The following SV2B variants were observed in gnomAD, a reference collection of about 807,000 sequenced individuals.
SV2B encodes synaptic vesicle glycoprotein 2B, also known as solute carrier family 22 member B2.
SV2B carries 41 observed loss-of-function variants against 73.9 expected under a neutral mutation model. That is an observed-to-expected ratio of 0.56 (90% confidence interval 0.43 to 0.72). SV2B has a LOEUF of 0.72. Among genes scored for constraint, SV2B ranks in the 30% least tolerant of loss-of-function variants. The pLI, the probability that SV2B is intolerant of heterozygous loss-of-function variation, is 0.00. For missense variants in SV2B, 764 were observed against 857.8 expected, an observed-to-expected ratio of 0.89 and a Z score of 1.37; for synonymous variants, 314 against 314.2, an observed-to-expected ratio of 1.00 and a Z score of 0.01.
Position 91,281,026 on chromosome 15 carries a change from A to G in SV2B, c.1374-702A>G, listed in dbSNP as rs1165345187. ...ATCTACCTCATTTACTACGATGGCT[A>G]CATGGTATTCCATTATATGGCATCT... On this transcript the variant is annotated intron_variant, in intron 9 of 12. Coordinates refer to ENST00000394232, the MANE Select transcript of SV2B (RefSeq NM_001323032.3). The surrounding 1 kb of genome is among the most constrained non-coding windows in gnomAD (Gnocchi z 4.7). 1.3e-5 allele frequency among the ~76,000 whole-genome samples: 2 copies of G among 152,256 alleles called. No homozygotes were observed. The highest frequency in any genetic ancestry group is 2.4e-5 in the African/African-American group (1 of 41,466).
At chr15:91,219,151 G>A (rs546502246) in intron 1 of SV2B, among the ~76,000 whole-genome samples, 11 of 152,170 alleles carry the variant, frequency 7.2e-5, no homozygotes, top group African/African-American at 2.6e-4. Flanking sequence ...CTTTCTCCAT[G>A]TTGCCCAGGC....
chr15:91,275,474 T>G (rs143733539), intron 9 of SV2B, among the ~76,000 whole-genome samples: 9 of 152,318 alleles, frequency 5.9e-5, no homozygotes, highest in Admixed American at 5.9e-4. Flanking sequence ...AAACACGTGA[T>G]ATATTGCTAC....
chr15:91,221,693 G>GCGCGCGCACACACACACACACACA (rs370290337), intron 1 of SV2B, among the ~76,000 whole-genome samples: 10 of 140,158 alleles, frequency 7.1e-5, no homozygotes, highest in African/African-American at 2.8e-4. Context: ...AAGCATGTGC[G>GCGCGCGCACACACACACACACACA]CACACACACA....
At chr15:91,269,990 C>T (rs2048239942) in intron 9 of SV2B, among the ~76,000 whole-genome samples, 1 of 152,138 alleles carries the variant, frequency 6.6e-6, no homozygotes, top group African/African-American at 2.4e-5. Flanking sequence ...GGCAGTTCCC[C>T]CAAGATGTTT....
In SV2B at chr15:91,132,961, G is replaced by A. The variant is rs538843264; in HGVS notation, c.-392+32598G>A. 6.6e-6 allele frequency among the ~76,000 whole-genome samples: 1 copy of A among 152,356 alleles called. No individual in the cohort carries two copies. Among genetic ancestry groups the A allele is most frequent in the East Asian group, 1.9e-4 (1 of 5,196 alleles). ...GCATAATAAGGGCTAAAAGACTAAA[G>A]ACTATTGGGCATCTGTTGCGTGCCA... On this transcript the variant is annotated intron_variant, in intron 1 of 12. Coordinates refer to ENST00000394232, the MANE Select transcript of SV2B (RefSeq NM_001323032.3). The surrounding 1 kb of genome is among the most constrained non-coding windows in gnomAD (Gnocchi z 4.6).
Position 91,260,351 on chromosome 15 carries a change from T to C in SV2B, c.950T>C (p.Leu317Pro). Reference protein sequence around the residue: ...MGKHDEAWMILKQVHDTNMRA... With the variant: ...MGKHDEAWMIPKQVHDTNMRA... ...AAACATGATGAAGCCTGGATGATTC[T>C]CAAGCAAGTCCATGACACCAACATG... Residue 317 changes from leucine to proline, a missense_variant, in exon 6 of 13, where the codon CTC becomes CCC. By Grantham distance (98) the Leu-to-Pro change is moderately conservative. Coordinates refer to ENST00000394232, the MANE Select transcript of SV2B (RefSeq NM_001323032.3). 1 of 1,613,574 alleles carries C rather than the reference T, an allele frequency of 6.2e-7. No homozygotes were observed. The highest frequency in any genetic ancestry group is 8.5e-7 in the Non-Finnish European group (1 of 1,179,818).
chr15:91,144,407 C>T (rs1373585529), intron 1 of SV2B, among the ~76,000 whole-genome samples: 1 of 148,558 alleles, frequency 6.7e-6, no homozygotes, highest in South Asian at 2.1e-4. Flanking sequence ...TGGGTTGAAA[C>T]ATTCATGATT....
At chr15:91,277,053 A>G (rs1351332836) in intron 9 of SV2B, among the ~76,000 whole-genome samples, 1 of 152,048 alleles carries the variant, frequency 6.6e-6, no homozygotes, top group African/African-American at 2.4e-5. Context: ...AATTCCCGAC[A>G]TCAGGTGATC....
chr15:91,185,136 A>T (rs544573266), intron 1 of SV2B, among the ~76,000 whole-genome samples: 63 of 152,308 alleles, frequency 4.1e-4, no homozygotes, highest in Admixed American at 7.2e-4. Context: ...CAGTGGTGCA[A>T]TCATGGCTCA....
chr15:91,122,546 C>T lies in SV2B; in HGVS notation c.-392+22183C>T, dbSNP rs1376334488. ...CATGCTGCAGAGCAGACTCCCCCAT[C>T]CTGGTTTCCTCTCCATCCTTTTTGC... is the stretch of plus-strand genomic sequence containing the variant. On this transcript the variant is annotated intron_variant, in intron 1 of 12. Transcript: ENST00000394232. The surrounding 1 kb of genome is among the most constrained non-coding windows in gnomAD (Gnocchi z 4.3). Among the ~76,000 whole-genome samples, 1 of 152,218 alleles carries T rather than the reference C, an allele frequency of 6.6e-6. No individual in the cohort carries two copies. The highest frequency in any genetic ancestry group is 1.9e-4 in the East Asian group (1 of 5,196).
chr15:91,126,825 TAAACTA>T (rs1358394541), intron 1 of SV2B, among the ~76,000 whole-genome samples: 5 of 152,302 alleles, frequency 3.3e-5, no homozygotes, highest in African/African-American at 1.2e-4. Context: ...TAAAAATACT[TAAACTA>T]GAAATAGAAG....
intron 1 of SV2B, among the ~76,000 whole-genome samples, chr15:91,163,009 C>T (rs148369844): frequency 0.01 from 1,524 of 151,778 alleles, 24 homozygotes; most frequent in African/African-American, 0.033. Context: ...TGAGAACATG[C>T]GGTGTTTGGT....
rs1432504224 is a variant in SV2B, at chr15:91,141,315, T to C, written c.-392+40952T>C. Among the ~76,000 whole-genome samples, 1 of 152,212 alleles carries C rather than the reference T, an allele frequency of 6.6e-6. No homozygotes were observed. Among genetic ancestry groups the C allele is most frequent in the Non-Finnish European group, 1.5e-5 (1 of 68,028 alleles). Reference sequence around the variant, plus strand: ...AGGGCGTGGAGTGTTTCCAGATTTTTGCTGGCATCATCTAGGGTGTCTTGC... The same window carrying C: ...AGGGCGTGGAGTGTTTCCAGATTTTCGCTGGCATCATCTAGGGTGTCTTGC... On this transcript the variant is annotated intron_variant, in intron 1 of 12. Transcript: ENST00000394232. This position sits in a 1 kb window ranked among gnomAD's most constrained non-coding sequence, Gnocchi z 4.6.
chr15:91,244,258 A>G (rs1254327059), intron 2 of SV2B, among the ~76,000 whole-genome samples: 1 of 152,220 alleles, frequency 6.6e-6, no homozygotes, highest in Non-Finnish European at 1.5e-5. Flanking sequence ...TGTCTTACAT[A>G]TGGCAGGAGA....
chr15:91,165,511 T>C (rs1342044941), intron 1 of SV2B, among the ~76,000 whole-genome samples: 1 of 152,212 alleles, frequency 6.6e-6, no homozygotes, highest in Non-Finnish European at 1.5e-5. Context: ...GCATAGGTTA[T>C]ATACAAATAT....
At chr15:91,259,055 C>T (rs1171688414) in intron 5 of SV2B, among the ~76,000 whole-genome samples, 1 of 151,786 alleles carries the variant, frequency 6.6e-6, no homozygotes, top group Admixed American at 6.6e-5. Context: ...ATGGTTGTGT[C>T]ACTGCACTCC....
Position 91,280,826 on chromosome 15 carries a change from C to A in SV2B, c.1374-902C>A, listed in dbSNP as rs564579036. On this transcript the variant is annotated intron_variant, in intron 9 of 12. Transcript: ENST00000394232. The surrounding 1 kb of genome is among the most constrained non-coding windows in gnomAD (Gnocchi z 5.8). The stretch of plus-strand genomic sequence containing the variant: ...ATTATTCCTCACTTCCATTGTGCCT[C>A]CCTGGAAACAACCGTTTCTATCAGT... 6.6e-6 allele frequency among the ~76,000 whole-genome samples: 1 copy of A among 152,320 alleles called. No homozygotes were observed.
Position 91,132,946 on chromosome 15 carries a change from G to A in SV2B, c.-392+32583G>A, listed in dbSNP as rs1371250781. Reference sequence around the variant, plus strand: ...TCACTTAAGGCCAGTGCATAATAAGGGCTAAAAGACTAAAGACTATTGGGC... The same window carrying A: ...TCACTTAAGGCCAGTGCATAATAAGAGCTAAAAGACTAAAGACTATTGGGC... On this transcript the variant is annotated intron_variant, in intron 1 of 12. Transcript: ENST00000394232. This position sits in a 1 kb window ranked among gnomAD's most constrained non-coding sequence, Gnocchi z 4.6. Among the ~76,000 whole-genome samples, 7 of 152,194 alleles carry A rather than the reference G, an allele frequency of 4.6e-5. No homozygotes were observed. In the South Asian group the frequency reaches 1.2e-3, roughly 27 times the overall value.
At position 91,197,934 on chromosome 15, in the gene SV2B, T is replaced by A. The variant is rs1002628342; in HGVS notation, c.-391-27939T>A. On this transcript the variant is annotated intron_variant, in intron 1 of 12. Coordinates refer to ENST00000394232, the MANE Select transcript of SV2B (RefSeq NM_001323032.3). This position sits in a 1 kb window ranked among gnomAD's most constrained non-coding sequence, Gnocchi z 4.9. ...GTGTAATCCCAGCTACTTGGCAGGC[T>A]GAAGCAGGAGAATCTCTTGAACCTG... Among the ~76,000 whole-genome samples, 14 of 152,070 alleles carry A rather than the reference T, an allele frequency of 9.2e-5. No individual in the cohort carries two copies. Among genetic ancestry groups the A allele is most frequent in the Admixed American group, 6.5e-4 (10 of 15,280 alleles).
Sources: allele counts gnomAD v4.1 joint callset (sites outside exome capture counted in the v4.1 genomes callset), GRCh38; gene constraint gnomAD v4.1.1; non-coding constraint Gnocchi (gnomAD v3.1); transcripts MANE v1.5; gene names NCBI Gene and HGNC (gene_info 2026-07-23, HGNC 2026-07-21).